ARHGAP31: variants seen among roughly 807,000 people sequenced by gnomAD.
The protein encoded by ARHGAP31 is Rho GTPase activating protein 31.
A neutral mutation model predicts 113.9 loss-of-function variants in ARHGAP31; 34 were observed. The ratio of observed to expected loss-of-function variants is 0.30; its 90% CI spans 0.23 to 0.40. The LOEUF is 0.40. Among genes scored for constraint, ARHGAP31 ranks in the 10% least tolerant of loss-of-function variants. The probability of loss-of-function intolerance (pLI) is 1.00; values close to 1 mark genes in which losing one functional copy is unlikely to be tolerated. For missense variants in ARHGAP31, 1,548 were observed against 1,767.1 expected (o/e 0.88, Z 2.22); for synonymous variants, 650 against 684.8 (o/e 0.95, Z 0.79).
intron 11 of ARHGAP31, among the ~76,000 whole-genome samples, chr3:119,410,773 C>T (rs1194533378): frequency 2.0e-5 from 3 of 152,338 alleles, no homozygotes; most frequent in East Asian, 1.9e-4. Context: ...GAACTTTGTG[C>T]CAGGCACTGG....
At position 119,360,000 on chromosome 3, in the gene ARHGAP31, T is replaced by C. The variant is rs372647835; in HGVS notation, c.101-5316T>C. Among the ~76,000 whole-genome samples, 20 of 152,318 alleles carry C rather than the reference T, an allele frequency of 1.3e-4. No homozygotes were observed. The East Asian group carries it at 3.9e-3, about 29-fold the overall frequency. On this transcript the variant is annotated intron_variant, in intron 1 of 11. Coordinates refer to ENST00000264245, the MANE Select transcript of ARHGAP31 (RefSeq NM_020754.4). ...TTGCCCACCGGCAGCTCTTGGTCCT[T>C]TTTATTACCTCAAACAAGATGATGA...
intron 1 of ARHGAP31, among the ~76,000 whole-genome samples, chr3:119,361,677 CA>C (rs1295990854): frequency 5.3e-5 from 8 of 152,232 alleles, no homozygotes; most frequent in East Asian, 3.8e-4. Flanking sequence ...CCACTGTGCC[CA>C]GCGGTCCTTC....
chr3:119,335,841 C>T (rs200342093), intron 1 of ARHGAP31, among the ~76,000 whole-genome samples: 1 of 152,150 alleles, frequency 6.6e-6, no homozygotes, highest in South Asian at 2.1e-4. Context: ...CAACAGCTGC[C>T]CGAGTGCACA....
At position 119,414,826 on chromosome 3, in the gene ARHGAP31, C is replaced by G. The variant is rs768088923; in HGVS notation, c.2897C>G (p.Thr966Ser). Residue 966 changes from threonine to serine, a missense_variant, in exon 12 of 12, where the codon ACT becomes AGT. Physicochemically the swap from Thr to Ser is moderately conservative, Grantham distance 58. Coordinates refer to ENST00000264245, the MANE Select transcript of ARHGAP31 (RefSeq NM_020754.4). ...DSKPTVKSQW[T>S]LEVPSSSSCA... ...AAACCCACGGTTAAAAGCCAGTGGA[C>G]TCTCGAGGTTCCCTCCTCCAGCAGC... 72 of 1,614,104 alleles carry G rather than the reference C, an allele frequency of 4.5e-5. No individual in the cohort carries two copies. Among genetic ancestry groups the G allele is most frequent in the Non-Finnish European group, 6.1e-5 (72 of 1,180,048 alleles).
chr3:119,303,837 C>G (rs368451800), intron 1 of ARHGAP31, among the ~76,000 whole-genome samples: 7 of 151,808 alleles, frequency 4.6e-5, no homozygotes, highest in Admixed American at 2.0e-4. Flanking sequence ...CAGTGTCGCC[C>G]GGGCTGGAAT....
In ARHGAP31 at chr3:119,402,103, T is replaced by C. The variant is rs779473660; in HGVS notation, c.1351T>C (p.Leu451=). ...GAGCGAGCAAACAGCCCCAAAGATG[T>C]TGGGTATGTTCTACACTTCGAACGA... The part of the protein sequence containing the change: ...PESEQTAPKM[L]GMFYTSNDSP... Residue 451 remains leucine, a synonymous_variant, in exon 10 of 12, where the codon TTG becomes CTG. Transcript: ENST00000264245. 1.8e-5 allele frequency: 29 copies of C among 1,614,084 alleles called. No individual in the cohort carries two copies. The highest frequency in any genetic ancestry group is 2.3e-5 in the Non-Finnish European group (27 of 1,180,038).
chr3:119,297,088 ACT>A (rs1193705572), intron 1 of ARHGAP31, among the ~76,000 whole-genome samples: 1 of 152,210 alleles, frequency 6.6e-6, no homozygotes, highest in East Asian at 1.9e-4. Context: ...TGATCCACAC[ACT>A]GTTATTGTGC....
chr3:119,404,914 G>A (rs1167320845), intron 10 of ARHGAP31, among the ~76,000 whole-genome samples: 1 of 152,118 alleles, frequency 6.6e-6, no homozygotes, highest in Admixed American at 6.5e-5. Context: ...ACAACAAACC[G>A]AATCCTTCTG....
chr3:119,380,404 TATTC>T (rs10576434), intron 3 of ARHGAP31, among the ~76,000 whole-genome samples: 63,915 of 150,714 alleles, frequency 0.42, 13,850 homozygotes, highest in African/African-American at 0.5. Flanking sequence ...TTTATTTATG[TATTC>T]ATTCATTCAT....
intron 1 of ARHGAP31, among the ~76,000 whole-genome samples, chr3:119,300,571 A>G (rs2079572328): frequency 6.6e-6 from 1 of 152,140 alleles, no homozygotes; most frequent in African/African-American, 2.4e-5. Flanking sequence ...GCTCACGCCT[A>G]TAATTCCAGC....
intron 3 of ARHGAP31, among the ~76,000 whole-genome samples, chr3:119,369,346 T>A (rs978908647): frequency 3.3e-5 from 5 of 152,110 alleles, no homozygotes; most frequent in Admixed American, 2.6e-4. Context: ...GAATGTAGTG[T>A]AGATACGAAA....
rs139733647 is a variant in ARHGAP31 at position 119,382,359 on chromosome 3, G to T, written c.499G>T (p.Ala167Ser). ...ASFSSKTNMH[A>S]RNLALVWAPN... is the part of the protein sequence containing the mutation. ...CTTCAGCAGCAAGACCAACATGCAC[G>T]CCCGGAACCTGGCCCTGGTGTGGGC... The change falls in exon 5 of 12, where the codon GCC (alanine) becomes TCC (serine). Residue 167 changes from alanine to serine, a missense_variant. Coordinates refer to ENST00000264245, the MANE Select transcript of ARHGAP31 (RefSeq NM_020754.4). The T allele has an allele frequency of 1.9e-6, 3 of 1,613,990 alleles. No individual in the cohort carries two copies. In the African/African-American group the frequency reaches 4.0e-5, roughly 22 times the overall value.
At position 119,414,145 on chromosome 3, in the gene ARHGAP31, C is replaced by A; in HGVS notation, c.2216C>A (p.Pro739Gln). 1 of 1,614,168 alleles carries A rather than the reference C, an allele frequency of 6.2e-7. No individual in the cohort carries two copies. The highest frequency in any genetic ancestry group is 8.5e-7 in the Non-Finnish European group (1 of 1,180,026). ...GASTAASREK[P>Q]EPEQGLHPDL... ...TCCACAGCAGCCAGCAGAGAGAAGC[C>A]GGAACCTGAGCAGGGCCTGCACCCA... The change falls in exon 12 of 12, where the codon CCG (proline) becomes CAG (glutamine). Residue 739 changes from proline (P) to glutamine (Q), a missense_variant. Transcript: ENST00000264245.
intron 1 of ARHGAP31, among the ~76,000 whole-genome samples, chr3:119,307,553 A>C (rs1377627640): frequency 6.6e-6 from 1 of 152,212 alleles, no homozygotes; most frequent in East Asian, 1.9e-4. Flanking sequence ...TGGATGTATA[A>C]AAATGCTAGT....
intron 1 of ARHGAP31, among the ~76,000 whole-genome samples, chr3:119,302,719 T>G (rs1477894548): frequency 6.6e-6 from 1 of 152,208 alleles, no homozygotes; most frequent in Non-Finnish European, 1.5e-5. Context: ...GAAATCAAGA[T>G]CTGTATGACT....
Position 119,414,365 on chromosome 3 carries a change from A to G in ARHGAP31, c.2436A>G (p.Lys812=). ...CGGAAAGAGAAGACTCATCCAGGAA[A>G]TTGAGGACAGATCTCTACATAGACC... The part of the protein sequence containing the change: ...GGPEREDSSR[K]LRTDLYIDQL... Residue 812 remains lysine, a synonymous_variant, in exon 12 of 12, where the codon AAA becomes AAG. Transcript: ENST00000264245. 6.2e-7 allele frequency: 1 copy of G among 1,614,194 alleles called. No individual in the cohort carries two copies.
chr3:119,365,173 C>A lies in ARHGAP31; in HGVS notation c.101-143C>A. 5.9e-6 allele frequency: 4 copies of A among 683,146 alleles called. No individual in the cohort carries two copies. In the South Asian group the frequency reaches 6.8e-5, roughly 12 times the overall value. 42.3% of individuals were successfully genotyped at this position (683,146 alleles called of 1,614,324 possible). A position where few individuals can be genotyped will look rare whatever the true frequency, so the allele number is the denominator to read the frequency against. On this transcript the variant is annotated intron_variant, in intron 1 of 11. Transcript: ENST00000264245. ...TGAAAGGAACATCACCTACCACTTA[C>A]AAGAAATTGTTTCCACTTGTAAGTC...
intron 1 of ARHGAP31, among the ~76,000 whole-genome samples, chr3:119,350,102 A>T (rs1014390369): frequency 6.6e-6 from 1 of 152,218 alleles, no homozygotes; most frequent in Non-Finnish European, 1.5e-5. Flanking sequence ...AAATAAATGT[A>T]ATGAGCACTC....
At chr3:119,412,612 T>G (rs796803475) in intron 11 of ARHGAP31, among the ~76,000 whole-genome samples, 1 of 152,206 alleles carries the variant, frequency 6.6e-6, no homozygotes, top group Non-Finnish European at 1.5e-5. Context: ...ATCCCCATCA[T>G]GTTAACAGTG....
Sources: gnomAD v4.1 joint callset for allele counts (sites outside exome capture counted in the v4.1 genomes callset) on GRCh38, gnomAD v4.1.1 for gene constraint, MANE v1.5 for transcripts, NCBI Gene and HGNC (gene_info 2026-07-23, HGNC 2026-07-21) for gene names.